The following ATP1B3 variants were observed in gnomAD, a reference collection of about 807,000 sequenced individuals.
The protein encoded by ATP1B3 is ATPase Na+/K+ transporting subunit beta 3.
In ATP1B3, 10 loss-of-function variants were observed where a neutral mutation model predicts 30.2. The observed-to-expected ratio is 0.33, with a 90% CI of 0.20 to 0.56. ATP1B3 has a LOEUF of 0.56. Ranked by LOEUF, ATP1B3 falls within the 20% of genes least tolerant of loss-of-function variation. ATP1B3 has a pLI of 0.90. For synonymous variants in ATP1B3, 113 were observed against 117.0 expected (o/e 0.97, Z 0.22); for missense variants, 238 against 336.7 (o/e 0.71, Z 2.29).
intron 1 of ATP1B3, among the ~76,000 whole-genome samples, chr3:141,887,494 T>G (rs2107765237): frequency 6.6e-6 from 1 of 152,266 alleles, no homozygotes; most frequent in South Asian, 2.1e-4. Context: ...TCCATAAAGG[T>G]CCGGCAGTGT....
intron 3 of ATP1B3, among the ~76,000 whole-genome samples, chr3:141,907,675 A>G (rs1251472128): frequency 6.6e-6 from 1 of 151,972 alleles, no homozygotes; most frequent in Non-Finnish European, 1.5e-5. Context: ...TTGTGATTAC[A>G]TTTAGACACA....
Position 141,880,602 on chromosome 3 carries a change from AT to A in ATP1B3, c.109+3699del, listed in dbSNP as rs1033570052. Among the ~76,000 whole-genome samples, 30 of 152,230 alleles carry A rather than the reference AT, an allele frequency of 2.0e-4. 1 individual carries two copies. The highest frequency in any genetic ancestry group is 6.8e-3 in the Middle Eastern group (2 of 294). On this transcript the variant is annotated intron_variant, in intron 1 of 6. Transcript: ENST00000286371. ...TAGTGGGCCAAGTGTTGCCATTAAC[AT>A]TTTTTTAATGATGAAATAGAATAGT...
chr3:141,895,401 G>A (rs558994381), intron 1 of ATP1B3, among the ~76,000 whole-genome samples: 45 of 152,024 alleles, frequency 3.0e-4, no homozygotes, highest in African/African-American at 1.0e-3. Context: ...CGTTGGCCAG[G>A]CTGGTCTCTA....
intron 5 of ATP1B3, among the ~76,000 whole-genome samples, chr3:141,919,961 C>T (rs755259963): frequency 2.6e-4 from 40 of 151,868 alleles, no homozygotes; most frequent in Admixed American, 5.9e-4. Flanking sequence ...ATATGCTATT[C>T]GTATACTTAG....
intron 1 of ATP1B3, among the ~76,000 whole-genome samples, chr3:141,880,707 G>T (rs1473859522): frequency 6.6e-6 from 1 of 152,056 alleles, no homozygotes. Flanking sequence ...TGTGTATTTT[G>T]CATATATAGA....
intron 1 of ATP1B3, among the ~76,000 whole-genome samples, chr3:141,889,754 TATACACAC>T (rs1411977360): frequency 6.7e-5 from 5 of 75,018 alleles, no homozygotes; most frequent in Middle Eastern, 6.3e-3. Context: ...AAAAAAAATA[TATACACAC>T]ACACACACAC....
chr3:141,922,246 C>T, intron 6 of ATP1B3, 183 bp downstream of exon 6: 1 of 472,498 alleles, frequency 2.1e-6, no homozygotes, highest in Non-Finnish European at 3.8e-6. Context: ...ATTCAGAACA[C>T]AGAACCCAAG....
At chr3:141,924,649 G>T (rs1217502531) in intron 6 of ATP1B3, among the ~76,000 whole-genome samples, 1 of 151,496 alleles carries the variant, frequency 6.6e-6, no homozygotes, top group Non-Finnish European at 1.5e-5. Flanking sequence ...TTTCAAAAAA[G>T]AATATTAAAA....
intron 1 of ATP1B3, among the ~76,000 whole-genome samples, chr3:141,895,091 CTG>C (rs1210647924): frequency 6.6e-6 from 1 of 150,900 alleles, no homozygotes; most frequent in Non-Finnish European, 1.5e-5. Flanking sequence ...TGGTGTATGT[CTG>C]TATGTGGAAT....
intron 1 of ATP1B3, among the ~76,000 whole-genome samples, chr3:141,883,235 C>T (rs1440323326): frequency 1.3e-5 from 2 of 152,162 alleles, no homozygotes; most frequent in Non-Finnish European, 2.9e-5. Flanking sequence ...TGCCTGTAAT[C>T]CCAGCACTTT....
intron 3 of ATP1B3, among the ~76,000 whole-genome samples, chr3:141,909,614 G>T (rs1559871485): frequency 6.6e-6 from 1 of 152,238 alleles, no homozygotes; most frequent in Non-Finnish European, 1.5e-5. Context: ...TGGTGCTGAT[G>T]TGTTGAAGAT....
Position 141,907,190 on chromosome 3 carries a change from G to T in ATP1B3, c.262G>T (p.Val88Leu). ...AGGACTCATGGTTTTTCCAAAACCA[G>T]TGACCGCATTGGAATATACATTCAG... Reference protein sequence around the residue: ...SPGLMVFPKPVTALEYTFSRS... With the variant: ...SPGLMVFPKPLTALEYTFSRS... Residue 88 changes from valine (V) to leucine (L), a missense_variant, in exon 3 of 7, where the codon GTG becomes TTG. Transcript: ENST00000286371. 2 of 1,610,120 alleles carry T rather than the reference G, an allele frequency of 1.2e-6. No homozygotes were observed. Among genetic ancestry groups the T allele is most frequent in the Non-Finnish European group, 1.7e-6 (2 of 1,178,304 alleles).
At chr3:141,913,584 A>G (rs1559872469) in intron 3 of ATP1B3, 68 bp from the exon 4 acceptor site, 1 of 1,297,076 alleles carries the variant, frequency 7.7e-7, no homozygotes, top group Non-Finnish European at 1.0e-6. Context: ...TCCAAAGGTT[A>G]ATATATTCCT....
chr3:141,885,789 G>A (rs1164597012), intron 1 of ATP1B3, among the ~76,000 whole-genome samples: 2 of 151,892 alleles, frequency 1.3e-5, no homozygotes, highest in East Asian at 1.9e-4. Flanking sequence ...TTAAAAACTT[G>A]AAGCACCAGA....
intron 1 of ATP1B3, among the ~76,000 whole-genome samples, chr3:141,893,479 T>C (rs749645738): frequency 2.0e-5 from 3 of 152,140 alleles, no homozygotes; most frequent in Non-Finnish European, 4.4e-5. Flanking sequence ...TATTTCTGGT[T>C]CTCTCCCCAA....
intron 1 of ATP1B3, among the ~76,000 whole-genome samples, chr3:141,891,000 TA>T (rs1176719028): frequency 6.6e-6 from 1 of 152,250 alleles, no homozygotes; most frequent in Non-Finnish European, 1.5e-5. Flanking sequence ...TACTTTGGTT[TA>T]TTTTTTTAAT....
At chr3:141,888,836 T>C (rs1933883150) in intron 1 of ATP1B3, among the ~76,000 whole-genome samples, 1 of 152,124 alleles carries the variant, frequency 6.6e-6, no homozygotes, top group African/African-American at 2.4e-5. Flanking sequence ...AGATGTGACT[T>C]TGCTTCTCAT....
At chr3:141,887,576 A>G (rs555152493) in intron 1 of ATP1B3, among the ~76,000 whole-genome samples, 4 of 152,338 alleles carry the variant, frequency 2.6e-5, no homozygotes, top group Non-Finnish European at 5.9e-5. Context: ...TCCAAGAGAA[A>G]TGAAAACATA....
At chr3:141,906,694 A>G (rs1330526205) in intron 2 of ATP1B3, among the ~76,000 whole-genome samples, 2 of 152,244 alleles carry the variant, frequency 1.3e-5, no homozygotes, top group African/African-American at 4.8e-5. Flanking sequence ...AATATTTGCC[A>G]TAAAGTTTAA....
Sources: gnomAD v4.1 joint callset for allele counts (sites outside exome capture counted in the v4.1 genomes callset) on GRCh38, gnomAD v4.1.1 for gene constraint, MANE v1.5 for transcripts, NCBI Gene and HGNC (gene_info 2026-07-23, HGNC 2026-07-21) for gene names.